Variants in MMRN1 observed in about 807,000 individuals in gnomAD.
MMRN1 encodes multimerin 1.
A neutral mutation model predicts 100.7 loss-of-function variants in MMRN1; 94 were observed. The observed-to-expected ratio is 0.93, with a 90% CI of 0.79 to 1.11. The LOEUF is 1.11. Ranked by LOEUF, MMRN1 falls within the 50% of genes least tolerant of loss-of-function variation. The pLI is 0.00. For synonymous variants in MMRN1, 575 were observed against 505.0 expected, an observed-to-expected ratio of 1.14 and a Z score of -1.86; for missense variants, 1,606 against 1,439.1, an observed-to-expected ratio of 1.12 and a Z score of -1.88.
intron 1 of MMRN1, among the ~76,000 whole-genome samples, chr4:89,889,405 T>C (rs1219178932): frequency 6.6e-6 from 1 of 152,096 alleles, no homozygotes; most frequent in Admixed American, 6.6e-5. Context: ...TCTGCTCTTG[T>C]GGATAAGGTC....
intron 6 of MMRN1, among the ~76,000 whole-genome samples, chr4:89,949,976 G>A (rs1008603976): frequency 6.6e-6 from 1 of 152,178 alleles, no homozygotes; most frequent in African/African-American, 2.4e-5. Flanking sequence ...ATTACCATAA[G>A]GTGGCACCAG....
At chr4:89,927,225 G>T (rs1363691280) in intron 4 of MMRN1, among the ~76,000 whole-genome samples, 1 of 151,984 alleles carries the variant, frequency 6.6e-6, no homozygotes, top group African/African-American at 2.4e-5. Flanking sequence ...GGTTGCTTTG[G>T]ATAGTATGGA....
chr4:89,920,133 T>C (rs1722042604), intron 3 of MMRN1, among the ~76,000 whole-genome samples: 1 of 152,180 alleles, frequency 6.6e-6, no homozygotes, highest in South Asian at 2.1e-4. Flanking sequence ...GTTAATATTA[T>C]AATTTGTATA....
rs149963924 is a variant in MMRN1 at position 89,928,392 on chromosome 4, A to G, written c.1129+424A>G. On this transcript the variant is annotated intron_variant, in intron 5 of 7. Transcript: ENST00000264790. ...ATCTGAAGTGCATTATTATCCCCCA[A>G]ATTTTCTAGGTTATGGTGTAAAATC... is the stretch of plus-strand genomic sequence containing the variant. 1.1e-3 allele frequency among the ~76,000 whole-genome samples: 163 copies of G among 152,216 alleles called. 1 individual carries two copies. The highest frequency in any genetic ancestry group is 2.7e-3 in the African/African-American group (112 of 41,548).
At chr4:89,950,566 T>G (rs971215298) in intron 6 of MMRN1, among the ~76,000 whole-genome samples, 4 of 152,160 alleles carry the variant, frequency 2.6e-5, no homozygotes, top group Non-Finnish European at 4.4e-5. Flanking sequence ...ATTGCTAAAT[T>G]TATTATTTCT....
chr4:89,886,471 C>G (rs1461023791), intron 1 of MMRN1, among the ~76,000 whole-genome samples: 2 of 152,042 alleles, frequency 1.3e-5, no homozygotes, highest in African/African-American at 4.8e-5. Context: ...AAAACATATT[C>G]TGTATCAATG....
In MMRN1 at chr4:89,936,150, T is replaced by C; in HGVS notation, c.2470T>C (p.Tyr824His). The part of the protein sequence containing the change: ...KLNQSNFQKM[Y>H]QMFNETTSQV... Reference sequence around the variant, plus strand: ...AAATCAGTCCAACTTCCAAAAGATGTATCAAATGTTCAATGAAACCACTTC... The same window carrying C: ...AAATCAGTCCAACTTCCAAAAGATGCATCAAATGTTCAATGAAACCACTTC... The change falls in exon 6 of 8, where the codon TAT (tyrosine) becomes CAT (histidine). Residue 824 changes from tyrosine to histidine, a missense_variant. By Grantham distance (83) the Tyr-to-His change is moderately conservative. Transcript: ENST00000264790. 1 of 1,612,426 alleles carries C rather than the reference T, an allele frequency of 6.2e-7. No individual in the cohort carries two copies. Among genetic ancestry groups the C allele is most frequent in the South Asian group, 1.1e-5 (1 of 90,896 alleles).
rs773663271 is a variant in MMRN1, at chr4:89,895,509, C to T, written c.538C>T (p.Arg180Trp). 58 of 1,613,606 alleles carry T rather than the reference C, an allele frequency of 3.6e-5. 1 individual carries two copies. The highest frequency in any genetic ancestry group is 3.5e-4 in the Admixed American group (21 of 59,950). The change falls in exon 1 of 8, where the codon CGG (arginine) becomes TGG (tryptophan). Residue 180 changes from arginine to tryptophan, a missense_variant. By Grantham distance (101) the Arg-to-Trp change is moderately radical. Coordinates refer to ENST00000264790, the MANE Select transcript of MMRN1 (RefSeq NM_007351.3). ...GTGGVGNRAPRETYLSRGDSS... is the reference protein window; with the variant it reads ...GTGGVGNRAPWETYLSRGDSS... Reference sequence around the variant, plus strand: ...TGGAGGCGTGGGAAATCGAGCCCCACGGGAAACATACCTCAGCCGGGGTGA... The same window carrying T: ...TGGAGGCGTGGGAAATCGAGCCCCATGGGAAACATACCTCAGCCGGGGTGA...
intron 2 of MMRN1, among the ~76,000 whole-genome samples, chr4:89,910,927 T>C (rs1478661469): frequency 3.3e-5 from 5 of 151,326 alleles, no homozygotes; most frequent in Non-Finnish European, 1.5e-5. Context: ...TGTCTCCATA[T>C]AGTTGTACGT....
At chr4:89,948,780 C>A (rs1723069396) in intron 6 of MMRN1, among the ~76,000 whole-genome samples, 1 of 152,040 alleles carries the variant, frequency 6.6e-6, no homozygotes, top group Non-Finnish European at 1.5e-5. Flanking sequence ...CAAAAAGAGG[C>A]ACAGAAAGGA....
intron 1 of MMRN1, among the ~76,000 whole-genome samples, chr4:89,883,710 A>T: frequency 6.6e-6 from 1 of 152,102 alleles, no homozygotes; most frequent in Non-Finnish European, 1.5e-5. Flanking sequence ...TTTGTTTTCA[A>T]CTATGTCCTT....
At chr4:89,896,268 T>C (rs1044415098) in intron 1 of MMRN1, among the ~76,000 whole-genome samples, 1 of 152,154 alleles carries the variant, frequency 6.6e-6, no homozygotes, top group African/African-American at 2.4e-5. Context: ...ACAACTCAAA[T>C]TTTGCTAGTA....
intron 1 of MMRN1, among the ~76,000 whole-genome samples, chr4:89,885,418 A>G (rs1380451527): frequency 1.3e-5 from 2 of 152,002 alleles, no homozygotes; most frequent in Admixed American, 1.3e-4. Flanking sequence ...ATTTGGTATT[A>G]GGTTTTTGTG....
At chr4:89,919,079 A>G (rs1027136175) in intron 3 of MMRN1, among the ~76,000 whole-genome samples, 1 of 151,660 alleles carries the variant, frequency 6.6e-6, no homozygotes, top group African/African-American at 2.4e-5. Context: ...CATAAAACTC[A>G]TTTGCAATGA....
intron 4 of MMRN1, among the ~76,000 whole-genome samples, chr4:89,927,044 G>A (rs1479569197): frequency 1.3e-5 from 2 of 152,022 alleles, no homozygotes; most frequent in African/African-American, 2.4e-5. Context: ...GTTATAATTT[G>A]AAGTCAGGTA....
intron 3 of MMRN1, among the ~76,000 whole-genome samples, chr4:89,918,187 ATAAG>A (rs1721982685): frequency 1.3e-5 from 2 of 151,062 alleles, no homozygotes; most frequent in East Asian, 1.9e-4. Context: ...AATAGAATAT[ATAAG>A]TTTCAAATGT....
At chr4:89,922,757 T>C (rs1055093510) in intron 3 of MMRN1, among the ~76,000 whole-genome samples, 1 of 152,110 alleles carries the variant, frequency 6.6e-6, no homozygotes, top group African/African-American at 2.4e-5. Flanking sequence ...TTTTTCCAAG[T>C]AGACACCAGT....
At chr4:89,926,491 T>C (rs933808285) in intron 4 of MMRN1, among the ~76,000 whole-genome samples, 1 of 152,224 alleles carries the variant, frequency 6.6e-6, no homozygotes, top group Admixed American at 6.5e-5. Flanking sequence ...TGTTTTCCTA[T>C]AGGCTTGTTT....
intron 3 of MMRN1, among the ~76,000 whole-genome samples, chr4:89,919,661 C>T (rs1188389977): frequency 6.6e-6 from 1 of 151,724 alleles, no homozygotes; most frequent in Non-Finnish European, 1.5e-5. Context: ...AGTATCATTA[C>T]CTAATTTAGG....
Sources: gnomAD v4.1 joint callset for allele counts (sites outside exome capture counted in the v4.1 genomes callset) on GRCh38, gnomAD v4.1.1 for gene constraint, MANE v1.5 for transcripts, NCBI Gene and HGNC (gene_info 2026-07-23, HGNC 2026-07-21) for gene names.